The following THBS4 variants were observed in gnomAD, a reference collection of about 807,000 sequenced individuals.
THBS4 encodes the protein thrombospondin 4.
A neutral mutation model predicts 115.7 loss-of-function variants in THBS4; 90 were observed. The observed-to-expected ratio is 0.78, with a 90% CI of 0.66 to 0.93. The LOEUF (loss-of-function observed/expected upper bound fraction) is 0.93. Ranked by LOEUF, THBS4 falls within the 40% of genes least tolerant of loss-of-function variation. THBS4 has a pLI of 0.00. For missense variants in THBS4, 1,087 were observed against 1,232.7 expected, an observed-to-expected ratio of 0.88 and a Z score of 1.77; for synonymous variants, 460 against 479.3, an observed-to-expected ratio of 0.96 and a Z score of 0.53.
chr5:80,030,189 C>CTT (rs574204862), intron 2 of THBS4, among the ~76,000 whole-genome samples: 1 of 148,520 alleles, frequency 6.7e-6, no homozygotes, highest in African/African-American at 2.5e-5. Flanking sequence ...ATGTAAACAT[C>CTT]TTTTTTTTTT....
intron 13 of THBS4, 166 bp from the exon 14 acceptor site, chr5:80,072,112 T>G (rs1171976601): frequency 1.5e-6 from 1 of 664,524 alleles, no homozygotes; most frequent in Non-Finnish European, 2.7e-6. Flanking sequence ...TTTTTAAGTC[T>G]CCCAGAATCC....
chr5:80,001,212 G>A (rs1487129810), intron 2 of THBS4, among the ~76,000 whole-genome samples: 2 of 152,184 alleles, frequency 1.3e-5, no homozygotes, highest in Non-Finnish European at 2.9e-5. Flanking sequence ...ACGACATCTA[G>A]AGGTGACTGT....
chr5:80,073,452 C>A, intron 15 of THBS4, 125 bp downstream of exon 15: 1 of 810,794 alleles, frequency 1.2e-6, no homozygotes, highest in South Asian at 1.5e-5. Flanking sequence ...GGTGCAATCT[C>A]GGCTCACTGC....
chr5:80,078,007 G>T (rs759814972), intron 16 of THBS4, 42 bp from the exon 17 acceptor site: 35 of 1,485,284 alleles, frequency 2.4e-5, no homozygotes, highest in Admixed American at 5.7e-5. Context: ...GGCGGTGGGT[G>T]TGAGCGCTAT....
rs1188086609 is a variant in THBS4 at position 80,079,928 on chromosome 5, A to G, written c.2535A>G (p.Pro845=). 6.2e-7 allele frequency: 1 copy of G among 1,614,042 alleles called. No individual in the cohort carries two copies. Among genetic ancestry groups the G allele is most frequent in the Non-Finnish European group, 8.5e-7 (1 of 1,180,032 alleles). The part of the protein sequence containing the change: ...QLKAVKSKTG[P]GEHLRNSLWH... ...AGGCTGTGAAGTCTAAGACAGGTCC[A>G]GGGGAGCATCTCCGGAACTCCCTGT... The change falls in exon 20 of 22, where the codon CCA becomes CCG. Residue 845 remains proline (P), a synonymous_variant. Coordinates refer to ENST00000350881, the MANE Select transcript of THBS4 (RefSeq NM_003248.6).
chr5:80,042,847 TC>T (rs1832947680), intron 2 of THBS4, among the ~76,000 whole-genome samples: 1 of 152,134 alleles, frequency 6.6e-6, no homozygotes, highest in African/African-American at 2.4e-5. Flanking sequence ...GTGCCTATAG[TC>T]ACAGCTACTC....
At chr5:80,038,215 G>A (rs185111913) in intron 1 of THBS4, among the ~76,000 whole-genome samples, 14 of 152,108 alleles carry the variant, frequency 9.2e-5, no homozygotes, top group Admixed American at 7.9e-4. Flanking sequence ...TATGCAACCC[G>A]GGGATAGCTT....
Position 80,073,155 on chromosome 5 carries a change from C to T in THBS4, c.1840-120C>T, listed in dbSNP as rs377504657. 1.3e-5 allele frequency: 13 copies of T among 1,024,048 alleles called. No homozygotes were observed. In the East Asian group the frequency reaches 3.3e-4, roughly 26 times the overall value. 63.4% of individuals were successfully genotyped at this position (1,024,048 alleles called of 1,614,324 possible). On this transcript the variant is annotated intron_variant, in intron 14 of 21. Transcript: ENST00000350881. ...GTGTTGTCCTTTTGCAGTTTTGCAC[C>T]ACCCCGGTTCCAGAGAAATAATTCC...
intron 2 of THBS4, among the ~76,000 whole-genome samples, chr5:80,011,950 G>GTA (rs957232511): frequency 6.6e-6 from 1 of 151,956 alleles, no homozygotes; most frequent in African/African-American, 2.4e-5. Context: ...CTATTAAAAT[G>GTA]TATCACTTTC....
chr5:80,072,634 G>A (rs1237106634), intron 14 of THBS4: 3 of 504,502 alleles, frequency 5.9e-6, no homozygotes, highest in Admixed American at 3.2e-5. Context: ...TTAGTAACAC[G>A]AACTTCATGA....
At chr5:80,007,410 A>G (rs936291282) in intron 2 of THBS4, among the ~76,000 whole-genome samples, 22 of 152,228 alleles carry the variant, frequency 1.4e-4, no homozygotes, top group Admixed American at 1.3e-4. Flanking sequence ...TGTTGCCCAA[A>G]GCCAGCACAG....
At chr5:80,070,794 G>A in intron 12 of THBS4, 44 bp downstream of exon 12, 3 of 1,599,996 alleles carry the variant, frequency 1.9e-6, no homozygotes, top group Non-Finnish European at 2.6e-6. Flanking sequence ...CACGTACCAG[G>A]GATGATGGGA....
At chr5:80,053,496 G>A (rs1833318688) in intron 2 of THBS4, among the ~76,000 whole-genome samples, 1 of 151,526 alleles carries the variant, frequency 6.6e-6, no homozygotes, top group African/African-American at 2.4e-5. Flanking sequence ...TGGCAATGCT[G>A]GGCTGTTGGG....
At chr5:80,070,792 A>G (rs770714922) in intron 12 of THBS4, 42 bp downstream of exon 12, 9 of 1,601,600 alleles carry the variant, frequency 5.6e-6, no homozygotes, top group Non-Finnish European at 6.8e-6. Context: ...GCCACGTACC[A>G]GGGATGATGG....
At chr5:80,055,762 G>A in intron 2 of THBS4, 23 bp from the exon 3 acceptor site, 1 of 1,601,766 alleles carries the variant, frequency 6.2e-7, no homozygotes, top group Non-Finnish European at 8.5e-7. Flanking sequence ...TCACACCATT[G>A]GTTGACCTGT....
intron 10 of THBS4, among the ~76,000 whole-genome samples, chr5:80,069,952 T>C (rs578238585): frequency 7.2e-5 from 11 of 152,284 alleles, no homozygotes; most frequent in Middle Eastern, 3.4e-3. Context: ...TCAGACTCTC[T>C]CCCTCTTCCT....
intron 2 of THBS4, among the ~76,000 whole-genome samples, chr5:80,053,432 G>T (rs1833316022): frequency 6.7e-6 from 1 of 150,314 alleles, no homozygotes; most frequent in Admixed American, 6.6e-5. Flanking sequence ...TATAACCCAG[G>T]ACAGTGCTGA....
At chr5:80,000,332 A>G (rs1054788463) in intron 2 of THBS4, among the ~76,000 whole-genome samples, 7 of 152,170 alleles carry the variant, frequency 4.6e-5, no homozygotes, top group Admixed American at 1.3e-4. Flanking sequence ...TTCAGTTTCA[A>G]ATGTCTCAAA....
chr5:80,021,203 G>T (rs896050313), intron 2 of THBS4, among the ~76,000 whole-genome samples: 11 of 152,206 alleles, frequency 7.2e-5, no homozygotes, highest in Non-Finnish European at 5.9e-5. Context: ...ATTTCAGGGG[G>T]TTCACGAAGT....
Sources: allele counts gnomAD v4.1 joint callset (sites outside exome capture counted in the v4.1 genomes callset), GRCh38; gene constraint gnomAD v4.1.1; transcripts MANE v1.5; gene names NCBI Gene and HGNC (gene_info 2026-07-23, HGNC 2026-07-21).